MGLL: variants seen among roughly 807,000 people sequenced by gnomAD.
MGLL encodes the protein monoglyceride lipase, also known as lysophospholipase homolog.
MGLL carries 7 observed loss-of-function variants against 29.1 expected under a neutral mutation model. That is an observed-to-expected ratio of 0.24 (90% CI 0.14 to 0.45). MGLL has a LOEUF of 0.45. MGLL is among the 20% of genes least tolerant of loss of function. The pLI, the probability that MGLL is intolerant of heterozygous loss-of-function variation, is 0.99. For missense variants in MGLL, 356 were observed against 413.6 expected (o/e 0.86, Z 1.21); for synonymous variants, 148 against 168.3 (o/e 0.88, Z 0.93).
intron 3 of MGLL, among the ~76,000 whole-genome samples, chr3:127,766,866 T>C (rs1373967148): frequency 1.3e-5 from 2 of 150,900 alleles, no homozygotes; most frequent in Non-Finnish European, 3.0e-5. Context: ...AGGTCAGGAG[T>C]TCAAGACCAG....
intron 2 of MGLL, among the ~76,000 whole-genome samples, chr3:127,782,195 C>T (rs191443969): frequency 1.3e-3 from 194 of 151,916 alleles, no homozygotes; most frequent in Middle Eastern, 3.4e-3. Flanking sequence ...GTACTCCAGC[C>T]TGGGTGACAG....
intron 3 of MGLL, among the ~76,000 whole-genome samples, chr3:127,776,749 G>T (rs1417886187): frequency 1.3e-5 from 2 of 152,184 alleles, no homozygotes; most frequent in African/African-American, 4.8e-5. Flanking sequence ...ACCTTAATGT[G>T]GATGTTCTAC....
chr3:127,691,772 C>T lies in MGLL; in HGVS notation c.*426G>A, dbSNP rs1029300616. The T allele has an allele frequency of 1.6e-4, 38 of 232,342 alleles. No homozygotes were observed. The highest frequency in any genetic ancestry group is 6.7e-4 in the South Asian group (13 of 19,440). 14.4% of individuals were successfully genotyped at this position (232,342 alleles called of 1,614,324 possible). On this transcript the variant is annotated 3_prime_UTR_variant, in exon 8 of 8. Transcript: ENST00000265052. Reference sequence around the variant, plus strand: ...ACACGGCCAGAGGAAGGCCACCAAGCGGAGGCTGGTCAGAGAGGGCGCTGG... The same window carrying T: ...ACACGGCCAGAGGAAGGCCACCAAGTGGAGGCTGGTCAGAGAGGGCGCTGG...
intron 5 of MGLL, chr3:127,715,396 T>C (rs1287241011): frequency 6.1e-6 from 2 of 326,206 alleles, no homozygotes; most frequent in Non-Finnish European, 1.2e-5. Context: ...GACTCAATTG[T>C]GTAGAGGCAA....
At chr3:127,754,374 T>C (rs191473068) in intron 3 of MGLL, among the ~76,000 whole-genome samples, 1 of 151,316 alleles carries the variant, frequency 6.6e-6, no homozygotes, top group Admixed American at 6.6e-5. Flanking sequence ...AAAAACCAGA[T>C]CTATCAAAAG....
intron 6 of MGLL, among the ~76,000 whole-genome samples, chr3:127,705,506 G>T (rs970686632): frequency 1.3e-5 from 2 of 152,146 alleles, no homozygotes; most frequent in African/African-American, 4.8e-5. Context: ...TCCCAGTGCA[G>T]TGGCTCACAC....
chr3:127,823,004 G>C (rs1385589698), upstream of MGLL: 1 of 152,114 alleles, frequency 6.6e-6, no homozygotes, highest in African/African-American at 2.4e-5. Context: ...CCCACGCCGG[G>C]CGTGTCCGGG....
intron 2 of MGLL, among the ~76,000 whole-genome samples, chr3:127,808,099 T>A (rs2077601420): frequency 6.6e-6 from 1 of 152,164 alleles, no homozygotes; most frequent in Non-Finnish European, 1.5e-5. Context: ...CTAGCTTTCT[T>A]ATCAAAAATT....
At chr3:127,726,653 A>G (rs942220303) in intron 3 of MGLL, among the ~76,000 whole-genome samples, 3 of 151,976 alleles carry the variant, frequency 2.0e-5, no homozygotes, top group African/African-American at 7.3e-5. Context: ...GATGGTCTCG[A>G]TCTCCTGACC....
chr3:127,708,893 G>A (rs888883967), intron 6 of MGLL, among the ~76,000 whole-genome samples: 4 of 152,226 alleles, frequency 2.6e-5, no homozygotes, highest in Non-Finnish European at 5.9e-5. Flanking sequence ...TTGTAAAACA[G>A]GAAACAGAGC....
chr3:127,745,374 G>A (rs2076423097), intron 3 of MGLL, among the ~76,000 whole-genome samples: 1 of 152,178 alleles, frequency 6.6e-6, no homozygotes, highest in African/African-American at 2.4e-5. Flanking sequence ...TCCTCAAAAC[G>A]AATGAAATCC....
In MGLL at chr3:127,781,841, C is replaced by T. The variant is rs766837613; in HGVS notation, c.210G>A (p.Glu70=). The change falls in exon 3 of 8, where the codon GAG becomes GAA. Residue 70 remains glutamate, a synonymous_variant. Coordinates refer to ENST00000265052, the MANE Select transcript of MGLL (RefSeq NM_007283.7). ...GAGEHSGRYE[E]LARMLMGLDL... ...CCAGCCCCATCAGCATCCGAGCCAG[C>T]TCTTCATAGCGGCCACTGTGCTCTC... The T allele has an allele frequency of 1.2e-6, 2 of 1,614,134 alleles. No individual in the cohort carries two copies. The highest frequency in any genetic ancestry group is 2.2e-5 in the South Asian group (2 of 91,080).
intron 4 of MGLL, 57 bp downstream of exon 4, chr3:127,722,373 C>T (rs1039068016): frequency 4.0e-5 from 65 of 1,611,820 alleles, no homozygotes; most frequent in Non-Finnish European, 5.5e-5. Flanking sequence ...ACCCCCTTCC[C>T]CCTGCAAGGC....
rs114812233 is a variant in MGLL at position 127,719,108 on chromosome 3, T to C, written c.510+1945A>G. ...TCCCCCAGGGGCAGCTGGCTCCGAA[T>C]GTCACAAGGTGATCTATTAGCACAA... is the stretch of plus-strand genomic sequence containing the variant. On this transcript the variant is annotated intron_variant, in intron 5 of 7. Coordinates refer to ENST00000265052, the MANE Select transcript of MGLL (RefSeq NM_007283.7). Among the ~76,000 whole-genome samples the C allele has an allele frequency of 6.2e-3, 940 of 152,340 alleles. 15 individuals carry two copies. The highest frequency in any genetic ancestry group is 0.022 in the African/African-American group (913 of 41,568).
chr3:127,775,851 A>AAG (rs2077027581), intron 3 of MGLL, among the ~76,000 whole-genome samples: 2 of 152,200 alleles, frequency 1.3e-5, no homozygotes, highest in Non-Finnish European at 2.9e-5. Context: ...CGTCTCTCGC[A>AAG]GCAGCGCCTC....
intron 2 of MGLL, among the ~76,000 whole-genome samples, chr3:127,792,066 T>C (rs2077309169): frequency 6.6e-6 from 1 of 152,154 alleles, no homozygotes; most frequent in South Asian, 2.1e-4. Context: ...AGACTCTGTC[T>C]CAAAAAACAA....
chr3:127,700,478 TTG>T (rs1470489183), intron 6 of MGLL, among the ~76,000 whole-genome samples: 1 of 152,214 alleles, frequency 6.6e-6, no homozygotes, highest in Non-Finnish European at 1.5e-5. Context: ...CATGCCTCAC[TTG>T]GCCTGGTCTG....
intron 6 of MGLL, among the ~76,000 whole-genome samples, chr3:127,697,212 A>G (rs2075385539): frequency 1.3e-5 from 2 of 152,234 alleles, no homozygotes; most frequent in African/African-American, 4.8e-5. Context: ...CCCCAGGGTC[A>G]GCCAGGAGCC....
At chr3:127,809,640 A>T (rs2077627430) in intron 2 of MGLL, among the ~76,000 whole-genome samples, 1 of 88,862 alleles carries the variant, frequency 1.1e-5, no homozygotes, top group Non-Finnish European at 2.2e-5. Flanking sequence ...AACAACAATA[A>T]AAAAAAAAAA....
Sources: allele counts gnomAD v4.1 joint callset (sites outside exome capture counted in the v4.1 genomes callset), GRCh38; gene constraint gnomAD v4.1.1; transcripts MANE v1.5; gene names NCBI Gene and HGNC (gene_info 2026-07-23, HGNC 2026-07-21).